Variants in PTPRM observed in about 807,000 individuals in gnomAD.
PTPRM encodes the protein receptor-type tyrosine-protein phosphatase mu.
PTPRM carries 47 observed loss-of-function variants against 186.7 expected under a neutral mutation model. That is an observed-to-expected ratio of 0.25 (90% CI 0.20 to 0.32). The LOEUF (loss-of-function observed/expected upper bound fraction) is 0.32. Ranked by LOEUF, PTPRM falls within the 10% of genes least tolerant of loss-of-function variation. PTPRM has a pLI of 1.00. For missense variants in PTPRM, 1,494 were observed against 1,865.0 expected, an observed-to-expected ratio of 0.80 and a Z score of 3.66; for synonymous variants, 668 against 674.9, an observed-to-expected ratio of 0.99 and a Z score of 0.16.
chr18:7,719,539 A>G (rs2040408158), intron 1 of PTPRM, among the ~76,000 whole-genome samples: 1 of 152,178 alleles, frequency 6.6e-6, no homozygotes, highest in African/African-American at 2.4e-5. Context: ...TTAAATTTAG[A>G]ATACAAAAAA....
chr18:8,201,231 G>A (rs1019242543), intron 14 of PTPRM, among the ~76,000 whole-genome samples: 2 of 152,306 alleles, frequency 1.3e-5, no homozygotes, highest in African/African-American at 4.8e-5. Flanking sequence ...CAGGAGAATT[G>A]CTTAAACCTG....
rs557865564 is a variant in PTPRM, at chr18:8,085,841, A to C, written c.1722A>C (p.Pro574=). The change falls in exon 10 of 33, where the codon CCA becomes CCC. Residue 574 remains proline (P), a synonymous_variant. Coordinates refer to ENST00000580170, the MANE Select transcript of PTPRM (RefSeq NM_001105244.2). ...GCACAGCTAAGGGTTTTGGGCCTCCAGCAACAAACCAGTTCACCACCAAAA... is the reference window on the plus strand; with the variant it reads ...GCACAGCTAAGGGTTTTGGGCCTCCCGCAACAAACCAGTTCACCACCAAAA... The part of the protein sequence containing the change: ...RASTAKGFGP[P]ATNQFTTKIS... The C allele has an allele frequency of 9.9e-6, 16 of 1,613,250 alleles. No homozygotes were observed. Among genetic ancestry groups the C allele is most frequent in the Non-Finnish European group, 1.4e-5 (16 of 1,179,542 alleles).
At chr18:8,256,275 C>T (rs2094573934) in intron 19 of PTPRM, among the ~76,000 whole-genome samples, 1 of 152,122 alleles carries the variant, frequency 6.6e-6, no homozygotes, top group African/African-American at 2.4e-5. Flanking sequence ...GGCTCTGGCA[C>T]CCGACTGCCT....
At chr18:8,296,511 A>G in intron 20 of PTPRM, 56 bp downstream of exon 20, 1 of 1,297,410 alleles carries the variant, frequency 7.7e-7, no homozygotes. Context: ...GCATCTAGTA[A>G]GATTGACCAC....
chr18:8,303,553 G>T (rs1038758066), intron 20 of PTPRM, among the ~76,000 whole-genome samples: 3 of 152,152 alleles, frequency 2.0e-5, no homozygotes, highest in African/African-American at 7.2e-5. Flanking sequence ...TTAAATTCAG[G>T]TGGGCACGAG....
chr18:7,767,939 G>A (rs2042089320), intron 1 of PTPRM, among the ~76,000 whole-genome samples: 1 of 152,164 alleles, frequency 6.6e-6, no homozygotes, highest in South Asian at 2.1e-4. Flanking sequence ...TGTTTATTAT[G>A]CTTCTTTTGG....
intron 1 of PTPRM, among the ~76,000 whole-genome samples, chr18:7,619,688 T>A (rs2037890777): frequency 6.6e-6 from 1 of 152,210 alleles, no homozygotes; most frequent in Non-Finnish European, 1.5e-5. Flanking sequence ...GTCCCGAATG[T>A]GTTGTCCAAT....
chr18:7,811,753 C>G (rs1327554201), intron 2 of PTPRM, among the ~76,000 whole-genome samples: 1 of 152,060 alleles, frequency 6.6e-6, no homozygotes, highest in Admixed American at 6.6e-5. Context: ...GCTGGGTTCT[C>G]TGTGGCACTG....
intron 7 of PTPRM, among the ~76,000 whole-genome samples, chr18:8,021,509 T>C (rs2085234635): frequency 6.6e-6 from 1 of 151,628 alleles, no homozygotes; most frequent in African/African-American, 2.4e-5. Context: ...TCCTAAGCTC[T>C]CCCTCCTCTT....
chr18:8,324,414 T>C (rs1318805406), intron 22 of PTPRM, among the ~76,000 whole-genome samples: 1 of 152,160 alleles, frequency 6.6e-6, no homozygotes, highest in Non-Finnish European at 1.5e-5. Context: ...ATTTTAGCAA[T>C]TATAATATAT....
At chr18:8,063,804 C>T (rs1347932408) in intron 7 of PTPRM, among the ~76,000 whole-genome samples, 1 of 152,114 alleles carries the variant, frequency 6.6e-6, no homozygotes. Flanking sequence ...ATTCTGAAAC[C>T]AGATACCTTG....
chr18:8,145,147 A>T (rs150835105), intron 14 of PTPRM, among the ~76,000 whole-genome samples: 12 of 152,226 alleles, frequency 7.9e-5, no homozygotes, highest in African/African-American at 2.7e-4. Context: ...AGAAACAGTT[A>T]AGAGTTAAAT....
intron 19 of PTPRM, among the ~76,000 whole-genome samples, chr18:8,274,187 A>ATTTCCATGTTGGACTTCTTGTTTATAG (rs1351523651): frequency 6.6e-6 from 1 of 152,122 alleles, no homozygotes; most frequent in Non-Finnish European, 1.5e-5. Flanking sequence ...TTGATATCCA[A>ATTTCCATGTTGGACTTCTTGTTTATAG]TTTCCATGTT....
chr18:8,246,580 C>G (rs987377743), intron 15 of PTPRM, among the ~76,000 whole-genome samples: 5 of 152,272 alleles, frequency 3.3e-5, no homozygotes, highest in African/African-American at 7.2e-5. Context: ...ATAAAAATGT[C>G]TGCAGCTAAT....
At chr18:7,746,168 A>G (rs1298131292) in intron 1 of PTPRM, among the ~76,000 whole-genome samples, 1 of 152,220 alleles carries the variant, frequency 6.6e-6, no homozygotes, top group Non-Finnish European at 1.5e-5. Flanking sequence ...GACAAACACA[A>G]AGAACACTAT....
intron 1 of PTPRM, among the ~76,000 whole-genome samples, chr18:7,592,315 G>C (rs1006962329): frequency 5.9e-5 from 9 of 152,134 alleles, no homozygotes; most frequent in Non-Finnish European, 1.0e-4. Context: ...TAAAAATAGG[G>C]CAAATAGAAC....
intron 2 of PTPRM, among the ~76,000 whole-genome samples, chr18:7,827,490 C>A (rs1253742496): frequency 6.6e-6 from 1 of 152,188 alleles, no homozygotes; most frequent in African/African-American, 2.4e-5. Flanking sequence ...CTCTTGAGAG[C>A]AAATTACTTG....
intron 14 of PTPRM, among the ~76,000 whole-genome samples, chr18:8,184,989 T>C (rs1219490061): frequency 6.6e-6 from 1 of 152,170 alleles, no homozygotes; most frequent in African/African-American, 2.4e-5. Context: ...TTTCACCAAG[T>C]ATAATCTAAC....
chr18:7,719,816 C>A (rs1157277829), intron 1 of PTPRM, among the ~76,000 whole-genome samples: 2 of 152,134 alleles, frequency 1.3e-5, no homozygotes, highest in African/African-American at 4.8e-5. Context: ...TACCTCTTTA[C>A]AGATGATACT....
Sources: gnomAD v4.1 joint callset for allele counts (sites outside exome capture counted in the v4.1 genomes callset) on GRCh38, gnomAD v4.1.1 for gene constraint, MANE v1.5 for transcripts, NCBI Gene and HGNC (gene_info 2026-07-23, HGNC 2026-07-21) for gene names.